CNIH3: variants seen among roughly 807,000 people sequenced by gnomAD.
CNIH3 encodes the protein cornichon family AMPA receptor auxiliary protein 3.
Under a neutral mutation model 24.1 loss-of-function variants are expected in CNIH3, and 14 were observed. That is an observed-to-expected ratio of 0.58 (90% CI 0.38 to 0.91). The LOEUF (loss-of-function observed/expected upper bound fraction) is 0.91, where lower values mean the gene tolerates loss of function less well. Among genes scored for constraint, CNIH3 ranks in the 40% least tolerant of loss-of-function variants. CNIH3 has a pLI of 0.00. For missense variants in CNIH3, 178 were observed against 196.8 expected (o/e 0.90, Z 0.57); for synonymous variants, 68 against 73.8 (o/e 0.92, Z 0.40).
chr1:224,734,784 T>A, intron 5 of CNIH3, 78 bp downstream of exon 5: 2 of 1,501,862 alleles, frequency 1.3e-6, no homozygotes, highest in Non-Finnish European at 1.8e-6. Context: ...CTGGGAGGCG[T>A]CCTTTGGGAG....
At position 224,728,433 on chromosome 1, in the gene CNIH3, T is replaced by C. The variant is rs139373126; in HGVS notation, c.199-2029T>C. Among the ~76,000 whole-genome samples, 35 of 152,252 alleles carry C rather than the reference T, an allele frequency of 2.3e-4. No individual in the cohort carries two copies. The East Asian group carries it at 5.2e-3, about 23-fold the overall frequency. ...GGTTGAGATTCACAGGGGCTGGTGG[T>C]ACCTGCTTCACCCACCAAGGGTCAC... On this transcript the variant is annotated intron_variant, in intron 3 of 5. Transcript: ENST00000272133.
chr1:224,576,302 A>G (rs753748203), intron 4 of CNIH3, among the ~76,000 whole-genome samples: 8 of 152,248 alleles, frequency 5.3e-5, no homozygotes, highest in South Asian at 2.1e-4. Context: ...CTTTAAAAAT[A>G]GTTCCTTTTA....
chr1:224,733,865 A>G (rs1572839177), intron 4 of CNIH3, among the ~76,000 whole-genome samples: 1 of 151,388 alleles, frequency 6.6e-6, no homozygotes, highest in Non-Finnish European at 1.5e-5. Context: ...GGAGGCTCAG[A>G]CTCCTGCCCC....
chr1:224,579,497 C>T (rs1221440809), intron 4 of CNIH3, among the ~76,000 whole-genome samples: 2 of 152,162 alleles, frequency 1.3e-5, no homozygotes, highest in African/African-American at 4.8e-5. Context: ...AAGGAAGGCT[C>T]CTCCAGTGTT....
chr1:224,492,244 C>A (rs565805655), intron 1 of CNIH3, among the ~76,000 whole-genome samples: 1 of 152,238 alleles, frequency 6.6e-6, no homozygotes, highest in Non-Finnish European at 1.5e-5. Context: ...AATGCAACAA[C>A]ACAGTGTGTT....
At position 224,624,646 on chromosome 1, in the gene CNIH3, G is replaced by A. The variant is rs149970211; in HGVS notation, c.81+7391G>A. Among the ~76,000 whole-genome samples the A allele has an allele frequency of 3.0e-3, 452 of 152,170 alleles. 2 individuals are homozygous for A. Among genetic ancestry groups the A allele is most frequent in the African/African-American group, 0.01 (429 of 41,510 alleles). Reference sequence around the variant, plus strand: ...AGAGCATCGTGGTCCCTTCCAAGCTGGCCTCCTTGGTTATCATCTCCCCTG... The same window carrying A: ...AGAGCATCGTGGTCCCTTCCAAGCTAGCCTCCTTGGTTATCATCTCCCCTG... On this transcript the variant is annotated intron_variant, in intron 1 of 5. Transcript: ENST00000272133.
chr1:224,679,168 A>T (rs772572341), intron 1 of CNIH3, among the ~76,000 whole-genome samples: 49 of 150,404 alleles, frequency 3.3e-4, no homozygotes, highest in East Asian at 1.4e-3. Context: ...AAATATAAAA[A>T]TTTTTTTTTT....
intron 1 of CNIH3, among the ~76,000 whole-genome samples, chr1:224,626,414 G>A (rs899482939): frequency 1.3e-5 from 2 of 152,168 alleles, no homozygotes; most frequent in Admixed American, 6.5e-5. Flanking sequence ...GATCAGACTC[G>A]CAAATATTTT....
intron 3 of CNIH3, among the ~76,000 whole-genome samples, chr1:224,550,878 G>C (rs1232908664): frequency 7.7e-5 from 8 of 104,460 alleles, no homozygotes; most frequent in Non-Finnish European, 1.3e-4. Flanking sequence ...AACAGGCCCC[G>C]GTGTGTGATG....
At chr1:224,700,419 A>G (rs990401699) in intron 3 of CNIH3, among the ~76,000 whole-genome samples, 1 of 152,234 alleles carries the variant, frequency 6.6e-6, no homozygotes, top group African/African-American at 2.4e-5. Context: ...TCTCTGCACT[A>G]GAGAAGAGTT....
downstream of CNIH3, among the ~76,000 whole-genome samples, chr1:224,542,390 A>G (rs980542600): frequency 4.6e-5 from 7 of 152,176 alleles, no homozygotes; most frequent in African/African-American, 7.2e-5. Flanking sequence ...CTAAAATGGA[A>G]TGATCAAACT....
chr1:224,710,729 T>C (rs1406714124), intron 3 of CNIH3, among the ~76,000 whole-genome samples: 1 of 152,192 alleles, frequency 6.6e-6, no homozygotes, highest in Non-Finnish European at 1.5e-5. Flanking sequence ...TGATTTGAGA[T>C]CCTCATGCCA....
At chr1:224,580,459 G>A (rs925517766) in intron 4 of CNIH3, among the ~76,000 whole-genome samples, 2 of 152,300 alleles carry the variant, frequency 1.3e-5, no homozygotes, top group Admixed American at 6.5e-5. Context: ...GATTTCAAGG[G>A]CTTCAATATT....
intron 5 of CNIH3, 69 bp downstream of exon 5, chr1:224,734,775 T>C: frequency 1.3e-6 from 2 of 1,552,734 alleles, no homozygotes; most frequent in South Asian, 2.3e-5. Flanking sequence ...GGCTGGCCTC[T>C]GGGAGGCGTC....
At chr1:224,611,938 T>C (rs182780439), upstream of CNIH3, among the ~76,000 whole-genome samples, 278 of 152,352 alleles carry the variant, frequency 1.8e-3, no homozygotes, top group Non-Finnish European at 3.1e-3. Flanking sequence ...TGCCTGGGGT[T>C]CTTATTTTCT....
chr1:224,482,251 C>T (rs557690220), intron 1 of CNIH3, among the ~76,000 whole-genome samples: 1 of 152,228 alleles, frequency 6.6e-6, no homozygotes, highest in African/African-American at 2.4e-5. Context: ...AAGCTGGTAC[C>T]TAAGCTCCAG....
intron 2 of CNIH3, among the ~76,000 whole-genome samples, chr1:224,523,995 T>C (rs1678743894): frequency 6.6e-6 from 1 of 152,184 alleles, no homozygotes. Context: ...TTGCCTAATG[T>C]CCCATGAAAT....
At chr1:224,680,547 G>A (rs528290549) in intron 1 of CNIH3, among the ~76,000 whole-genome samples, 28 of 152,266 alleles carry the variant, frequency 1.8e-4, no homozygotes, top group Non-Finnish European at 3.7e-4. Flanking sequence ...ACTTCTGTCT[G>A]TTTCACTTCC....
intron 1 of CNIH3, among the ~76,000 whole-genome samples, chr1:224,670,253 G>A (rs1054352388): frequency 6.6e-6 from 1 of 152,178 alleles, no homozygotes; most frequent in Non-Finnish European, 1.5e-5. Context: ...GTGAGGAAGG[G>A]ATGTAGCTAT....
Sources: allele counts gnomAD v4.1 joint callset (sites outside exome capture counted in the v4.1 genomes callset), GRCh38; gene constraint gnomAD v4.1.1; transcripts MANE v1.5; gene names NCBI Gene and HGNC (gene_info 2026-07-23, HGNC 2026-07-21).